The following RALGPS2 variants were observed in gnomAD, a reference collection of about 807,000 sequenced individuals.
RALGPS2 encodes ras-specific guanine nucleotide-releasing factor RalGPS2.
Under a neutral mutation model 86.8 loss-of-function variants are expected in RALGPS2, and 43 were observed. The observed-to-expected ratio is 0.50, with a 90% CI of 0.39 to 0.64. The LOEUF (loss-of-function observed/expected upper bound fraction) is 0.64. Ranked by LOEUF, RALGPS2 falls within the 30% of genes least tolerant of loss-of-function variation. RALGPS2 has a pLI of 0.00. For synonymous variants in RALGPS2, 243 were observed against 231.3 expected (o/e 1.05, Z -0.46); for missense variants, 536 against 694.6 (o/e 0.77, Z 2.57).
At chr1:178,757,189 G>C (rs1052750321) in intron 1 of RALGPS2, among the ~76,000 whole-genome samples, 3 of 152,128 alleles carry the variant, frequency 2.0e-5, no homozygotes, top group African/African-American at 7.2e-5. Context: ...TTTATTGGTT[G>C]TAGGAGCCCG....
At chr1:178,766,779 T>TG (rs1218903915) in intron 1 of RALGPS2, among the ~76,000 whole-genome samples, 2 of 152,212 alleles carry the variant, frequency 1.3e-5, no homozygotes, top group African/African-American at 4.8e-5. Context: ...TTCCTGAATT[T>TG]GAATGTTGGC....
intron 6 of RALGPS2, among the ~76,000 whole-genome samples, chr1:178,819,724 A>T (rs1266108022): frequency 2.0e-5 from 3 of 152,140 alleles, no homozygotes; most frequent in African/African-American, 7.2e-5. Context: ...AATTATTTTC[A>T]CTGGAAGAGT....
chr1:178,782,653 C>A (rs1407042315), intron 2 of RALGPS2, among the ~76,000 whole-genome samples: 1 of 151,932 alleles, frequency 6.6e-6, no homozygotes, highest in African/African-American at 2.4e-5. Flanking sequence ...AGCAACCCCT[C>A]AAATACACAC....
At chr1:178,782,212 T>G (rs1488132206) in intron 2 of RALGPS2, among the ~76,000 whole-genome samples, 2 of 152,150 alleles carry the variant, frequency 1.3e-5, no homozygotes, top group African/African-American at 4.8e-5. Context: ...GGAGACAGTG[T>G]GTGGACTAGC....
chr1:178,740,796 A>G (rs1162557056), intron 1 of RALGPS2, among the ~76,000 whole-genome samples: 1 of 152,108 alleles, frequency 6.6e-6, no homozygotes, highest in African/African-American at 2.4e-5. Flanking sequence ...CCCCACCCCC[A>G]GGAAAGATTG....
intron 8 of RALGPS2, chr1:178,870,727 G>T (rs969333611): frequency 1.3e-5 from 2 of 152,058 alleles, no homozygotes; most frequent in African/African-American, 4.8e-5. Context: ...TTAAATAAAA[G>T]AAATATTAAA....
intron 8 of RALGPS2, among the ~76,000 whole-genome samples, chr1:178,838,255 C>G (rs543205558): frequency 1.1e-3 from 162 of 152,344 alleles, no homozygotes; most frequent in Non-Finnish European, 1.8e-3. Context: ...CCCAAGTAGC[C>G]TAACTGGGAG....
intron 4 of RALGPS2, among the ~76,000 whole-genome samples, chr1:178,795,882 AAATT>A (rs1317352680): frequency 6.6e-6 from 1 of 152,322 alleles, no homozygotes; most frequent in Middle Eastern, 3.4e-3. Context: ...GTTTTAATGA[AAATT>A]AATCATTTGC....
At chr1:178,821,453 T>A (rs1655500173) in intron 6 of RALGPS2, among the ~76,000 whole-genome samples, 159 bp from the exon 7 acceptor site, 1 of 152,206 alleles carries the variant, frequency 6.6e-6, no homozygotes, top group African/African-American at 2.4e-5. Context: ...CAAAATAACT[T>A]AGTGTAAACA....
chr1:178,879,258 T>G (rs1289786864), intron 10 of RALGPS2: 1 of 281,252 alleles, frequency 3.6e-6, no homozygotes, highest in Non-Finnish European at 6.3e-6. Flanking sequence ...AATTTCTTCC[T>G]TTCCCCCATA....
chr1:178,852,566 C>G, intron 8 of RALGPS2: 1 of 1,087,180 alleles, frequency 9.2e-7, no homozygotes. Context: ...GTATTTCCTG[C>G]CACAGTGACC....
At chr1:178,774,349 T>C (rs1652973023) in intron 1 of RALGPS2, among the ~76,000 whole-genome samples, 1 of 152,224 alleles carries the variant, frequency 6.6e-6, no homozygotes, top group African/African-American at 2.4e-5. Flanking sequence ...TTGTTCCTGG[T>C]CTGTATTACA....
rs1659468494 is a variant in RALGPS2, at chr1:178,886,078, G to A, written c.1150G>A (p.Gly384Ser). 2 of 1,613,380 alleles carry A rather than the reference G, an allele frequency of 1.2e-6. No individual in the cohort carries two copies. Among genetic ancestry groups the A allele is most frequent in the Non-Finnish European group, 1.7e-6 (2 of 1,179,868 alleles). Residue 384 changes from glycine (G) to serine (S), a missense_variant, in exon 13 of 20, where the codon GGC (glycine) becomes AGC (serine). Around this residue, in one of 3 missense-constraint regions of RALGPS2, gnomAD observed 309 missense variants for 363.0 expected, o/e 0.85. Coordinates refer to ENST00000367635, the MANE Select transcript of RALGPS2 (RefSeq NM_152663.5). ...SVMEPHAPSR[G>S]QAESSTLSSG... ...CATGGAGCCCCATGCGCCATCTCGA[G>A]GCCAAGCTGAAAGTTCTACTCTTTC... is the stretch of plus-strand genomic sequence containing the variant.
At chr1:178,785,897 A>G (rs985080391) in intron 4 of RALGPS2, among the ~76,000 whole-genome samples, 5 of 152,068 alleles carry the variant, frequency 3.3e-5, no homozygotes, top group African/African-American at 9.7e-5. Context: ...TGCAAACTTA[A>G]CTTCAAATAG....
chr1:178,811,522 G>A, intron 6 of RALGPS2, 118 bp downstream of exon 6: 1 of 706,036 alleles, frequency 1.4e-6, no homozygotes, highest in South Asian at 2.2e-5. Flanking sequence ...AAGACTCATT[G>A]ATATAAGTCA....
At chr1:178,832,951 A>G (rs996934849) in intron 7 of RALGPS2, among the ~76,000 whole-genome samples, 18 of 152,056 alleles carry the variant, frequency 1.2e-4, no homozygotes, top group Non-Finnish European at 2.2e-4. Flanking sequence ...GAATTAAAGG[A>G]TTTTACAGTT....
At chr1:178,814,084 A>G (rs1655117216) in intron 6 of RALGPS2, among the ~76,000 whole-genome samples, 1 of 152,166 alleles carries the variant, frequency 6.6e-6, no homozygotes, top group African/African-American at 2.4e-5. Context: ...TTCTACTGCA[A>G]TGGGAACTAC....
chr1:178,844,581 G>A (rs2102275864), intron 8 of RALGPS2, among the ~76,000 whole-genome samples: 1 of 152,174 alleles, frequency 6.6e-6, no homozygotes, highest in South Asian at 2.1e-4. Flanking sequence ...TTAGAATAAG[G>A]ATATAATTTG....
intron 19 of RALGPS2, among the ~76,000 whole-genome samples, chr1:178,913,829 C>T (rs1384942009): frequency 1.3e-5 from 2 of 151,846 alleles, no homozygotes; most frequent in African/African-American, 2.4e-5. Context: ...CCTCTGGCCT[C>T]TTGAGGTCGA....
Sources: gnomAD v4.1 joint callset for allele counts (sites outside exome capture counted in the v4.1 genomes callset) on GRCh38, gnomAD v4.1.1 for gene constraint, gnomAD v4.1.1 regional missense constraint, MANE v1.5 for transcripts, NCBI Gene and HGNC (gene_info 2026-07-23, HGNC 2026-07-21) for gene names.